The following BCKDHB variants were observed in gnomAD, a reference collection of about 807,000 sequenced individuals.
BCKDHB encodes 2-oxoisovalerate dehydrogenase subunit beta, mitochondrial.
BCKDHB carries 41 observed loss-of-function variants against 48.5 expected under a neutral mutation model. That is an observed-to-expected ratio of 0.85 (90% CI 0.66 to 1.10). BCKDHB has a LOEUF of 1.10. Among genes scored for constraint, BCKDHB ranks in the 50% least tolerant of loss-of-function variants. The pLI is 0.00. For missense variants in BCKDHB, 496 were observed against 494.2 expected (o/e 1.00, Z -0.03); for synonymous variants, 201 against 174.8 (o/e 1.15, Z -1.18).
At chr6:80,221,148 C>G (rs560059177) in intron 8 of BCKDHB, among the ~76,000 whole-genome samples, 43 of 152,124 alleles carry the variant, frequency 2.8e-4, no homozygotes, top group Non-Finnish European at 5.0e-4. Flanking sequence ...AATTCTTATA[C>G]TCACCTCTCT....
chr6:80,257,730 C>T (rs73748763), intron 8 of BCKDHB, among the ~76,000 whole-genome samples: 2 of 152,010 alleles, frequency 1.3e-5, no homozygotes, highest in Admixed American at 6.6e-5. Flanking sequence ...GAACCCAGGG[C>T]GAGGGAGTAG....
chr6:80,439,268 C>G, the BCKDHB span, among the ~76,000 whole-genome samples: 1 of 152,076 alleles, frequency 6.6e-6, no homozygotes. Context: ...TGGTGGAACT[C>G]AGTCGCATTT....
intron 1 of BCKDHB, chr6:80,127,327 C>G: frequency 1.9e-6 from 1 of 513,528 alleles, no homozygotes; most frequent in East Asian, 3.6e-5. Flanking sequence ...TATACTTTTA[C>G]AAAAAATTGT....
At chr6:80,380,305 T>C in the BCKDHB span, among the ~76,000 whole-genome samples, 2 of 151,938 alleles carry the variant, frequency 1.3e-5, 1 homozygote, top group African/African-American at 4.8e-5. Context: ...AATGGATCTT[T>C]GATAAAGTTT....
Position 80,154,105 on chromosome 6 carries a change from A to T in BCKDHB, c.344-13573A>T, listed in dbSNP as rs577649268. ...AATTCAGTGTCTTCTTTTTCATAAA[A>T]CTTTGTATGAGTCCTCCAAGCCCAA... On this transcript the variant is annotated intron_variant, in intron 3 of 9. Coordinates refer to ENST00000320393, the MANE Select transcript of BCKDHB (RefSeq NM_183050.4). Among the ~76,000 whole-genome samples, 8 of 152,194 alleles carry T rather than the reference A, an allele frequency of 5.3e-5. 1 individual carries two copies. The East Asian group carries it at 1.5e-3, about 29-fold the overall frequency.
chr6:80,413,810 A>T, the BCKDHB span, among the ~76,000 whole-genome samples: 1 of 152,232 alleles, frequency 6.6e-6, no homozygotes, highest in Non-Finnish European at 1.5e-5. Flanking sequence ...TTGAGAGTAT[A>T]TACCCAGTAA....
chr6:80,419,813 TC>T, the BCKDHB span, among the ~76,000 whole-genome samples: 1 of 152,230 alleles, frequency 6.6e-6, no homozygotes, highest in African/African-American at 2.4e-5. Flanking sequence ...TTCCCAGCTT[TC>T]CTTTTTCACT....
chr6:80,121,157 A>G (rs9448888), intron 1 of BCKDHB, among the ~76,000 whole-genome samples: 1,763 of 152,260 alleles, frequency 0.012, 25 homozygotes, highest in African/African-American at 0.038. Flanking sequence ...AGGTTTATTA[A>G]AGATCAGATG....
chr6:80,351,851 C>T, the BCKDHB span, among the ~76,000 whole-genome samples: 3 of 141,386 alleles, frequency 2.1e-5, no homozygotes, highest in East Asian at 4.1e-4. Context: ...GACGGAGTTT[C>T]GCTCTTGTTG....
chr6:80,205,592 A>G (rs1774607487), intron 8 of BCKDHB, among the ~76,000 whole-genome samples: 1 of 152,088 alleles, frequency 6.6e-6, no homozygotes, highest in Admixed American at 6.6e-5. Context: ...TCGGGGATAG[A>G]GAAAGGAGCA....
chr6:80,171,827 A>G (rs757269239), intron 6 of BCKDHB, among the ~76,000 whole-genome samples: 69 of 152,128 alleles, frequency 4.5e-4, no homozygotes, highest in Non-Finnish European at 6.8e-4. Flanking sequence ...TGTCAGGTCT[A>G]TGCTGGGATG....
intron 8 of BCKDHB, among the ~76,000 whole-genome samples, chr6:80,240,918 G>T (rs999692710): frequency 9.2e-5 from 14 of 152,070 alleles, no homozygotes; most frequent in Admixed American, 2.6e-4. Flanking sequence ...TTTTCACATA[G>T]TCCCATATTT....
the BCKDHB span, among the ~76,000 whole-genome samples, chr6:80,404,521 T>G: frequency 6.6e-6 from 1 of 151,994 alleles, no homozygotes; most frequent in Non-Finnish European, 1.5e-5. Context: ...AACAAAGTAT[T>G]AGTTTCATTG....
chr6:80,217,956 T>C (rs1433444935), intron 8 of BCKDHB, among the ~76,000 whole-genome samples: 3 of 152,164 alleles, frequency 2.0e-5, no homozygotes, highest in Non-Finnish European at 1.5e-5. Context: ...TAATAAACAC[T>C]TCTAAATCAG....
At chr6:80,309,311 CA>C (rs1316566258) in intron 9 of BCKDHB, among the ~76,000 whole-genome samples, 1 of 152,108 alleles carries the variant, frequency 6.6e-6, no homozygotes, top group Non-Finnish European at 1.5e-5. Flanking sequence ...GTGATCTGCC[CA>C]CCTTGGCCTC....
chr6:80,285,346 G>A (rs1766575409), intron 9 of BCKDHB, among the ~76,000 whole-genome samples: 1 of 152,090 alleles, frequency 6.6e-6, no homozygotes, highest in Non-Finnish European at 1.5e-5. Context: ...TAATATGATG[G>A]AATGCCTAAT....
At chr6:80,148,526 C>A (rs1001643901) in intron 3 of BCKDHB, among the ~76,000 whole-genome samples, 1 of 152,082 alleles carries the variant, frequency 6.6e-6, no homozygotes, top group Non-Finnish European at 1.5e-5. Context: ...TATCATAGTT[C>A]ATGCTCCCAG....
At chr6:80,310,141 G>T (rs374487480) in intron 9 of BCKDHB, among the ~76,000 whole-genome samples, 1 of 151,274 alleles carries the variant, frequency 6.6e-6, no homozygotes, top group Middle Eastern at 3.4e-3. Flanking sequence ...GAATGTGCAG[G>T]TTTGTTACAT....
chr6:80,149,540 G>C (rs1771657545), intron 3 of BCKDHB, among the ~76,000 whole-genome samples: 1 of 151,662 alleles, frequency 6.6e-6, no homozygotes, highest in Non-Finnish European at 1.5e-5. Context: ...TCACACACAT[G>C]CAGCACTATT....
Sources: gnomAD v4.1 joint callset for allele counts (sites outside exome capture counted in the v4.1 genomes callset) on GRCh38, gnomAD v4.1.1 for gene constraint, MANE v1.5 for transcripts, NCBI Gene and HGNC (gene_info 2026-07-23, HGNC 2026-07-21) for gene names.